The following PCDH17 variants were observed in gnomAD, a reference collection of about 807,000 sequenced individuals.
The protein encoded by PCDH17 is protocadherin-17.
PCDH17 carries 21 observed loss-of-function variants against 67.7 expected under a neutral mutation model. The ratio of observed to expected loss-of-function variants is 0.31; its 90% CI spans 0.22 to 0.45. The LOEUF (loss-of-function observed/expected upper bound fraction) is 0.45. PCDH17 is among the 20% of genes least tolerant of loss of function. The pLI, the probability that PCDH17 is intolerant of heterozygous loss-of-function variation, is 1.00. For missense variants in PCDH17, 1,471 were observed against 1,564.8 expected, an observed-to-expected ratio of 0.94 and a Z score of 1.01; for synonymous variants, 701 against 656.7, an observed-to-expected ratio of 1.07 and a Z score of -1.03.
chr13:57,631,367 T>TC (rs545319614), upstream of PCDH17, among the ~76,000 whole-genome samples: 315 of 152,062 alleles, frequency 2.1e-3, no homozygotes, highest in African/African-American at 6.8e-3. Context: ...GGAGGGAGGC[T>TC]CCCCCTTCCT....
intron 3 of PCDH17, among the ~76,000 whole-genome samples, chr13:57,714,234 A>G (rs1486755480): frequency 1.3e-5 from 2 of 151,702 alleles, no homozygotes; most frequent in African/African-American, 2.4e-5. Flanking sequence ...TGTTTCTAGC[A>G]ATGGAAAATA....
chr13:57,679,760 A>G (rs1002703429), intron 3 of PCDH17, among the ~76,000 whole-genome samples: 2 of 151,502 alleles, frequency 1.3e-5, no homozygotes, highest in Non-Finnish European at 3.0e-5. Flanking sequence ...ACAAGCTAAG[A>G]GTATTTGTAG....
intron 1 of PCDH17, among the ~76,000 whole-genome samples, chr13:57,655,310 T>C (rs1955089172): frequency 1.3e-5 from 2 of 152,012 alleles, no homozygotes; most frequent in Admixed American, 1.3e-4. Flanking sequence ...TTGATTTATC[T>C]TCTAATTGAT....
chr13:57,706,428 G>T (rs149807923), intron 3 of PCDH17, among the ~76,000 whole-genome samples: 1 of 152,046 alleles, frequency 6.6e-6, no homozygotes, highest in Non-Finnish European at 1.5e-5. Flanking sequence ...TTGCTATGTA[G>T]GCATTTTATA....
chr13:57,645,529 G>A (rs1954954329), intron 1 of PCDH17, among the ~76,000 whole-genome samples: 1 of 151,320 alleles, frequency 6.6e-6, no homozygotes, highest in African/African-American at 2.4e-5. Context: ...GGCATATTTT[G>A]ATATTTTTAA....
chr13:57,632,775 G>A lies in PCDH17; in HGVS notation c.229G>A (p.Val77Met). ...LENSAPHLLD[V>M]DADSGLLYTK... Reference sequence around the variant, plus strand: ...GAACTCCGCACCGCACCTGCTGGACGTGGACGCAGACAGCGGGCTCCTCTA... The same window carrying A: ...GAACTCCGCACCGCACCTGCTGGACATGGACGCAGACAGCGGGCTCCTCTA... The change falls in exon 1 of 4, where the codon GTG becomes ATG. Residue 77 changes from valine (V) to methionine (M), a missense_variant. By Grantham distance (21) the Val-to-Met change is conservative. Around this residue, in one of 3 missense-constraint regions of PCDH17, gnomAD observed 1,163 missense variants for 1,230.0 expected, o/e 0.95. Transcript: ENST00000377918. The A allele has an allele frequency of 2.5e-6, 4 of 1,613,136 alleles. No individual in the cohort carries two copies. The highest frequency in any genetic ancestry group is 3.4e-6 in the Non-Finnish European group (4 of 1,179,942).
At chr13:57,719,277 A>T (rs769955255) in intron 3 of PCDH17, among the ~76,000 whole-genome samples, 10 of 152,068 alleles carry the variant, frequency 6.6e-5, no homozygotes, top group East Asian at 1.9e-4. Flanking sequence ...TTCTATTTAC[A>T]TCTGTTTACA....
chr13:57,727,763 T>C lies in PCDH17; in HGVS notation c.*2469T>C, dbSNP rs1955925758. On this transcript the variant is annotated 3_prime_UTR_variant, in exon 4 of 4. Transcript: ENST00000377918. The stretch of plus-strand genomic sequence containing the variant: ...CCAGGAGACTACAGGTTGATTTAGC[T>C]TGATAGCTGAAATTTGATGGAAAAC... 1 of 152,154 alleles carries C rather than the reference T, an allele frequency of 6.6e-6. No homozygotes were observed. The highest frequency in any genetic ancestry group is 2.4e-5 in the African/African-American group (1 of 41,446). 9.4% of individuals were successfully genotyped at this position (152,154 alleles called of 1,614,324 possible). A position where few individuals can be genotyped will look rare whatever the true frequency, so the allele number is the denominator to read the frequency against.
intron 3 of PCDH17, among the ~76,000 whole-genome samples, chr13:57,699,242 A>G (rs545708786): frequency 6.6e-6 from 1 of 152,106 alleles, no homozygotes; most frequent in East Asian, 1.9e-4. Flanking sequence ...GTGTTTTTAA[A>G]GTGTGTATGT....
At chr13:57,694,484 T>C (rs533232815) in intron 3 of PCDH17, among the ~76,000 whole-genome samples, 1 of 151,116 alleles carries the variant, frequency 6.6e-6, no homozygotes, top group Admixed American at 6.6e-5. Flanking sequence ...ATTAAAAAAA[T>C]GCATGTCCAG....
At chr13:57,655,669 T>G (rs911404132) in intron 1 of PCDH17, among the ~76,000 whole-genome samples, 1 of 152,096 alleles carries the variant, frequency 6.6e-6, no homozygotes, top group African/African-American at 2.4e-5. Context: ...ATGGCCATGA[T>G]TGCCTTTTAA....
intron 3 of PCDH17, among the ~76,000 whole-genome samples, chr13:57,682,179 T>G (rs1318804003): frequency 6.6e-6 from 1 of 151,760 alleles, no homozygotes; most frequent in African/African-American, 2.4e-5. Flanking sequence ...CTCCTACAAT[T>G]TACCTAGTCA....
intron 3 of PCDH17, among the ~76,000 whole-genome samples, chr13:57,696,205 T>C (rs1955607350): frequency 6.6e-6 from 1 of 151,492 alleles, no homozygotes; most frequent in South Asian, 2.1e-4. Context: ...CTAGTTACTT[T>C]TGACTTTCAA....
chr13:57,663,585 A>G (rs1171858713), intron 1 of PCDH17, among the ~76,000 whole-genome samples: 1 of 152,178 alleles, frequency 6.6e-6, no homozygotes, highest in Non-Finnish European at 1.5e-5. Context: ...GATAATGAAA[A>G]TGTAGTCAAT....
In PCDH17 at chr13:57,632,610, A is replaced by G. The variant is rs775808220; in HGVS notation, c.64A>G (p.Asn22Asp). Residue 22 changes from asparagine to aspartate, a missense_variant, in exon 1 of 4, where the codon AAC becomes GAC. Transcript: ENST00000377918. ...CCCTGCCCTCACTCTCAAGAACCTC[A>G]ACTACTCCGTGCCGGAGGAGCAAGG... ...WAPALTLKNL[N>D]YSVPEEQGAG... 5 of 1,613,742 alleles carry G rather than the reference A, an allele frequency of 3.1e-6. No homozygotes were observed. The highest frequency in any genetic ancestry group is 3.4e-6 in the Non-Finnish European group (4 of 1,179,942).
chr13:57,702,966 T>C (rs1955681895), intron 3 of PCDH17, among the ~76,000 whole-genome samples: 1 of 152,198 alleles, frequency 6.6e-6, no homozygotes, highest in Non-Finnish European at 1.5e-5. Flanking sequence ...TGTAACTGTG[T>C]TGTGTGTGTG....
intron 1 of PCDH17, among the ~76,000 whole-genome samples, chr13:57,636,339 G>T (rs1196081062): frequency 1.3e-5 from 2 of 152,262 alleles, no homozygotes; most frequent in African/African-American, 4.8e-5. Context: ...TGTTCATAAT[G>T]TTATGCTTTG....
intron 3 of PCDH17, among the ~76,000 whole-genome samples, chr13:57,706,388 C>A (rs1955721657): frequency 6.6e-6 from 1 of 152,122 alleles, no homozygotes; most frequent in Non-Finnish European, 1.5e-5. Flanking sequence ...TTAATTTACT[C>A]CATTGTCATT....
chr13:57,684,906 T>C (rs1267133081), intron 3 of PCDH17, among the ~76,000 whole-genome samples: 2 of 151,998 alleles, frequency 1.3e-5, no homozygotes, highest in Non-Finnish European at 2.9e-5. Context: ...CATTTTCTTC[T>C]AACATAACCA....
Sources: allele counts gnomAD v4.1 joint callset (sites outside exome capture counted in the v4.1 genomes callset), GRCh38; gene constraint gnomAD v4.1.1; regional missense constraint gnomAD v4.1.1; transcripts MANE v1.5; gene names NCBI Gene and HGNC (gene_info 2026-07-23, HGNC 2026-07-21).